NEK1: variants seen among roughly 807,000 people sequenced by gnomAD.
The protein encoded by NEK1 is NIMA related kinase 1.
NEK1 carries 137 observed loss-of-function variants against 182.1 expected under a neutral mutation model. The ratio of observed to expected loss-of-function variants is 0.75; its 90% CI spans 0.65 to 0.87. The LOEUF (loss-of-function observed/expected upper bound fraction) is 0.87, where lower values mean the gene tolerates loss of function less well. Among genes scored for constraint, NEK1 ranks in the 40% least tolerant of loss-of-function variants. NEK1 has a pLI of 0.00. For synonymous variants in NEK1, 513 were observed against 492.2 expected (o/e 1.04, Z -0.56); for missense variants, 1,391 against 1,494.4 (o/e 0.93, Z 1.14).
At chr4:169,574,996 C>G (rs1363409709) in intron 12 of NEK1, among the ~76,000 whole-genome samples, 1 of 152,034 alleles carries the variant, frequency 6.6e-6, no homozygotes, top group Non-Finnish European at 1.5e-5. Flanking sequence ...GGCGGTTTTG[C>G]TTTCAATGAC....
chr4:169,544,558 G>T (rs1460304137), intron 18 of NEK1, among the ~76,000 whole-genome samples: 3 of 137,130 alleles, frequency 2.2e-5, no homozygotes, highest in Admixed American at 1.5e-4. Flanking sequence ...GCTCCTCTTT[G>T]TATCTCTGGT....
chr4:169,605,794 T>C (rs1370214640), intron 2 of NEK1, among the ~76,000 whole-genome samples: 1 of 152,212 alleles, frequency 6.6e-6, no homozygotes, highest in Non-Finnish European at 1.5e-5. Context: ...TTAAGGTCTC[T>C]AATAATTATA....
chr4:169,493,939 G>A (rs1034635587), intron 23 of NEK1, among the ~76,000 whole-genome samples: 1 of 152,026 alleles, frequency 6.6e-6, no homozygotes, highest in Non-Finnish European at 1.5e-5. Flanking sequence ...GAAATTCAGA[G>A]AACACCAGTG....
chr4:169,421,035 T>A (rs1735405500), intron 31 of NEK1, among the ~76,000 whole-genome samples: 1 of 152,190 alleles, frequency 6.6e-6, no homozygotes, highest in Non-Finnish European at 1.5e-5. Flanking sequence ...ATATAAAGAT[T>A]AAGCATAAGA....
rs533949604 is a variant in NEK1, at chr4:169,592,081, A to G, written c.313-1272T>C. On this transcript the variant is annotated intron_variant, in intron 5 of 35. Transcript: ENST00000507142. ...ATACTATATTATCTTGCTTAAAATGAAATAATACATACTGTATGTCAGAAT... is the reference window on the plus strand; with the variant it reads ...ATACTATATTATCTTGCTTAAAATGGAATAATACATACTGTATGTCAGAAT... 5.2e-4 allele frequency among the ~76,000 whole-genome samples: 79 copies of G among 152,324 alleles called. 2 individuals are homozygous for G. The highest frequency in any genetic ancestry group is 1.2e-4 in the Non-Finnish European group (8 of 68,010).
intron 20 of NEK1, 38 bp downstream of exon 20, chr4:169,508,731 G>T: frequency 7.0e-7 from 1 of 1,421,402 alleles, no homozygotes; most frequent in Non-Finnish European, 9.4e-7. Flanking sequence ...TTCAAAAATG[G>T]CTATGTGATG....
Position 169,438,635 on chromosome 4 carries a change from T to A in NEK1, c.2588-376A>T, listed in dbSNP as rs1183218446. Among the ~76,000 whole-genome samples, 3 of 152,264 alleles carry A rather than the reference T, an allele frequency of 2.0e-5. No individual in the cohort carries two copies. The East Asian group carries it at 5.8e-4, about 29-fold the overall frequency. On this transcript the variant is annotated intron_variant, in intron 27 of 35. Transcript: ENST00000507142. ...GAGAGAGGAGGTTTACCTCAGAACA[T>A]CCTGAGACAGGTTCAAAAAAGAATA...
intron 18 of NEK1, among the ~76,000 whole-genome samples, chr4:169,540,562 A>G (rs138854993): frequency 1.4e-4 from 22 of 152,276 alleles, no homozygotes; most frequent in African/African-American, 4.1e-4. Flanking sequence ...ACTTCTTGAT[A>G]GTAATTTTCT....
Position 169,598,205 on chromosome 4 carries a change from T to C in NEK1, c.312+895A>G, listed in dbSNP as rs569188140. On this transcript the variant is annotated intron_variant, in intron 5 of 35. Coordinates refer to ENST00000507142, the MANE Select transcript of NEK1 (RefSeq NM_001199397.3). ...GAGGTGGGTTCAAACACTGACTATG[T>C]GATTTGGGGCAAGTACTTAACCTCT... Among the ~76,000 whole-genome samples, 32 of 152,288 alleles carry C rather than the reference T, an allele frequency of 2.1e-4. No homozygotes were observed. The South Asian group carries it at 3.3e-3, about 16-fold the overall frequency.
chr4:169,498,136 A>C (rs966097496), intron 23 of NEK1, among the ~76,000 whole-genome samples: 1 of 152,198 alleles, frequency 6.6e-6, no homozygotes, highest in Non-Finnish European at 1.5e-5. Flanking sequence ...CTTCTTGTTG[A>C]ATTGATCCCT....
chr4:169,590,639 A>C, intron 6 of NEK1, 87 bp downstream of exon 6: 1 of 793,862 alleles, frequency 1.3e-6, no homozygotes, highest in Admixed American at 2.3e-5. Flanking sequence ...GATGCACACT[A>C]AATCAGGTTC....
At chr4:169,584,316 A>G (rs1283091571) in intron 10 of NEK1, among the ~76,000 whole-genome samples, 1 of 152,194 alleles carries the variant, frequency 6.6e-6, no homozygotes, top group Non-Finnish European at 1.5e-5. Flanking sequence ...AATTACGTTA[A>G]TAACACATTT....
intron 23 of NEK1, among the ~76,000 whole-genome samples, chr4:169,485,961 C>T (rs992592664): frequency 9.9e-5 from 15 of 151,926 alleles, no homozygotes; most frequent in Admixed American, 3.3e-4. Context: ...CAGGAGGATC[C>T]CTTGAGCCCA....
rs1740546920 is a variant in NEK1, at chr4:169,446,278, C to T, written c.2588-8019G>A. ...GAAAAGATAAACAAAATTGAAAAAC[C>T]ACTAACGAGACTAAGAGAAAAAGAG... On this transcript the variant is annotated intron_variant, in intron 27 of 35. Transcript: ENST00000507142. Among the ~76,000 whole-genome samples, 3 of 151,494 alleles carry T rather than the reference C, an allele frequency of 2.0e-5. No individual in the cohort carries two copies. The East Asian group carries it at 5.8e-4, about 29-fold the overall frequency.
At chr4:169,415,934 G>A (rs1734472111) in intron 31 of NEK1, among the ~76,000 whole-genome samples, 1 of 152,172 alleles carries the variant, frequency 6.6e-6, no homozygotes, top group South Asian at 2.1e-4. Flanking sequence ...AACTGCTTGT[G>A]AGGTGGAGGG....
chr4:169,399,260 G>A (rs543724036), intron 35 of NEK1, among the ~76,000 whole-genome samples: 1 of 150,474 alleles, frequency 6.6e-6, no homozygotes, highest in East Asian at 2.0e-4. Context: ...CACAAAAAAC[G>A]TTTAATACCA....
intron 31 of NEK1, among the ~76,000 whole-genome samples, chr4:169,407,903 A>C (rs10023385): frequency 0.099 from 15,147 of 152,316 alleles, 966 homozygotes; most frequent in African/African-American, 0.18. Flanking sequence ...ATGTTCTCAC[A>C]CTCAAGGGAA....
chr4:169,467,521 A>C (rs554967117), intron 26 of NEK1, among the ~76,000 whole-genome samples: 36 of 152,244 alleles, frequency 2.4e-4, no homozygotes, highest in African/African-American at 8.7e-4. Flanking sequence ...AAATAACCCC[A>C]AATAATGCAA....
At chr4:169,553,661 A>G (rs1761743111) in intron 18 of NEK1, among the ~76,000 whole-genome samples, 1 of 152,240 alleles carries the variant, frequency 6.6e-6, no homozygotes, top group Non-Finnish European at 1.5e-5. Flanking sequence ...AAAACTCAAC[A>G]ATATAAAAAT....
Sources: allele counts gnomAD v4.1 joint callset (sites outside exome capture counted in the v4.1 genomes callset), GRCh38; gene constraint gnomAD v4.1.1; transcripts MANE v1.5; gene names NCBI Gene and HGNC (gene_info 2026-07-23, HGNC 2026-07-21).